Variants in HCN1 observed in about 807,000 individuals in gnomAD.
HCN1 encodes the protein potassium/sodium hyperpolarization-activated cyclic nucleotide-gated channel 1.
In HCN1, 13 loss-of-function variants were observed where a neutral mutation model predicts 78.9. The ratio of observed to expected loss-of-function variants is 0.16; its 90% confidence interval spans 0.11 to 0.26. The LOEUF (loss-of-function observed/expected upper bound fraction) is 0.26, where lower values mean the gene tolerates loss of function less well. Ranked by LOEUF, HCN1 falls within the 10% of genes least tolerant of loss-of-function variation. HCN1 has a pLI of 1.00. For missense variants in HCN1, 810 were observed against 1,154.3 expected, an observed-to-expected ratio of 0.70 and a Z score of 4.32; for synonymous variants, 552 against 455.5, an observed-to-expected ratio of 1.21 and a Z score of -2.70.
chr5:45,591,937 C>T (rs533010738), intron 2 of HCN1, among the ~76,000 whole-genome samples: 4 of 151,544 alleles, frequency 2.6e-5, no homozygotes, highest in South Asian at 2.1e-4. Context: ...CATTTAGCTC[C>T]GTGATCCACT....
chr5:45,676,423 CT>C (rs1283508418), intron 1 of HCN1, among the ~76,000 whole-genome samples: 1 of 151,538 alleles, frequency 6.6e-6, no homozygotes, highest in African/African-American at 2.4e-5. Context: ...CATAATTATA[CT>C]ATTAAAATAT....
At chr5:45,266,158 T>G (rs565407617) in intron 7 of HCN1, among the ~76,000 whole-genome samples, 1 of 152,360 alleles carries the variant, frequency 6.6e-6, no homozygotes, top group East Asian at 1.9e-4. Context: ...ATGGCAATTA[T>G]GCAAATCTTC....
chr5:45,291,608 A>AATC (rs1437393399), intron 6 of HCN1, among the ~76,000 whole-genome samples: 1 of 151,846 alleles, frequency 6.6e-6, no homozygotes, highest in Admixed American at 6.6e-5. Flanking sequence ...GCAATGGTAC[A>AATC]ATCTTGGCTC....
At chr5:45,317,443 C>A (rs1031883175) in intron 5 of HCN1, among the ~76,000 whole-genome samples, 2 of 152,192 alleles carry the variant, frequency 1.3e-5, no homozygotes, top group African/African-American at 2.4e-5. Flanking sequence ...AAATGTTAGA[C>A]CTAAAACCAT....
At chr5:45,406,401 G>A (rs753091999) in intron 3 of HCN1, among the ~76,000 whole-genome samples, 1 of 152,106 alleles carries the variant, frequency 6.6e-6, no homozygotes, top group Non-Finnish European at 1.5e-5. Context: ...TTACTGCAAG[G>A]TACTATTATA....
intron 4 of HCN1, among the ~76,000 whole-genome samples, chr5:45,374,877 G>A: frequency 7.0e-6 from 1 of 142,348 alleles, no homozygotes; most frequent in African/African-American, 2.6e-5. Context: ...TTGGTTCATG[G>A]GTATATATAT....
chr5:45,350,023 G>T (rs1023348419), intron 5 of HCN1, among the ~76,000 whole-genome samples: 3 of 152,042 alleles, frequency 2.0e-5, no homozygotes, highest in African/African-American at 7.2e-5. Flanking sequence ...AATTCATTTT[G>T]TGAGGACAGC....
At chr5:45,522,852 T>A (rs1243101763) in intron 2 of HCN1, among the ~76,000 whole-genome samples, 1 of 151,932 alleles carries the variant, frequency 6.6e-6, no homozygotes, top group Non-Finnish European at 1.5e-5. Flanking sequence ...TTTTTTTTCC[T>A]TTTTTAAATT....
rs1017317222 is a variant in HCN1, at chr5:45,414,491, C to T, written c.1012-17781G>A. Among the ~76,000 whole-genome samples the T allele has an allele frequency of 2.0e-5, 3 of 152,032 alleles. No individual in the cohort carries two copies. The East Asian group carries it at 5.8e-4, about 29-fold the overall frequency. On this transcript the variant is annotated intron_variant, in intron 3 of 7. Transcript: ENST00000303230. ...ACTGAATTCATTTAACCTGAGTATG[C>T]TGCTGATAAAACATGTTTTCTCTGA...
At chr5:45,686,661 A>G (rs1258946916) in intron 1 of HCN1, among the ~76,000 whole-genome samples, 1 of 152,150 alleles carries the variant, frequency 6.6e-6, no homozygotes, top group Non-Finnish European at 1.5e-5. Context: ...TTGTTTATTT[A>G]CTTGTCTCCA....
chr5:45,489,937 G>A (rs80246654), intron 2 of HCN1, among the ~76,000 whole-genome samples: 39 of 152,230 alleles, frequency 2.6e-4, no homozygotes, highest in Middle Eastern at 3.4e-3. Context: ...TTCAATTAGC[G>A]TTTCAGATAA....
At chr5:45,627,312 T>G (rs1745183456) in intron 2 of HCN1, among the ~76,000 whole-genome samples, 1 of 152,166 alleles carries the variant, frequency 6.6e-6, no homozygotes, top group Non-Finnish European at 1.5e-5. Context: ...TCTTACTAAG[T>G]CACACATGTC....
At position 45,262,677 on chromosome 5, in the gene HCN1, G is replaced by A. The variant is rs764520573; in HGVS notation, c.1917C>T (p.Ile639=). 2 of 1,614,096 alleles carry A rather than the reference G, an allele frequency of 1.2e-6. No individual in the cohort carries two copies. Among genetic ancestry groups the A allele is most frequent in the East Asian group, 4.5e-5 (2 of 44,868 alleles). The stretch of plus-strand genomic sequence containing the variant: ...TCAGGGTTGTCATTTGAGGATAATT[G>A]ATGGGAGCGATTGCCTGCACCATCT... The part of the protein sequence containing the change: ...DREMVQAIAP[I]NYPQMTTLNS... Residue 639 remains isoleucine, a synonymous_variant, in exon 8 of 8, where the codon ATC becomes ATT. Coordinates refer to ENST00000303230, the MANE Select transcript of HCN1 (RefSeq NM_021072.4).
At chr5:45,498,730 T>C (rs1039062201) in intron 2 of HCN1, among the ~76,000 whole-genome samples, 17 of 152,180 alleles carry the variant, frequency 1.1e-4, no homozygotes, top group African/African-American at 3.9e-4. Context: ...ACTTTTGGTC[T>C]TTGATGATGG....
At chr5:45,676,453 T>C (rs1420853119) in intron 1 of HCN1, among the ~76,000 whole-genome samples, 1 of 151,746 alleles carries the variant, frequency 6.6e-6, no homozygotes, top group Admixed American at 6.6e-5. Flanking sequence ...TGTATTTCTG[T>C]ACAAGAAAAT....
chr5:45,338,135 G>C (rs1158504408), intron 5 of HCN1, among the ~76,000 whole-genome samples: 1 of 152,090 alleles, frequency 6.6e-6, no homozygotes, highest in Non-Finnish European at 1.5e-5. Context: ...ATAAAACATA[G>C]TACAGACTTA....
intron 3 of HCN1, among the ~76,000 whole-genome samples, chr5:45,433,054 A>T (rs34760634): frequency 0.011 from 1,733 of 152,146 alleles, 20 homozygotes; most frequent in Non-Finnish European, 0.018. Flanking sequence ...AAAGACCCCC[A>T]TGACCGCAAT....
intron 2 of HCN1, among the ~76,000 whole-genome samples, chr5:45,483,486 G>C (rs759012858): frequency 9.9e-5 from 15 of 151,974 alleles, no homozygotes; most frequent in Non-Finnish European, 2.1e-4. Flanking sequence ...TTTGCTTGTT[G>C]ATTTGTTTAA....
chr5:45,285,736 T>C (rs970210764), intron 6 of HCN1, among the ~76,000 whole-genome samples: 1 of 152,002 alleles, frequency 6.6e-6, no homozygotes, highest in African/African-American at 2.4e-5. Context: ...TGACTAATGA[T>C]GGCAGGAATG....
Sources: allele counts gnomAD v4.1 joint callset (sites outside exome capture counted in the v4.1 genomes callset), GRCh38; gene constraint gnomAD v4.1.1; transcripts MANE v1.5; gene names NCBI Gene and HGNC (gene_info 2026-07-23, HGNC 2026-07-21).